CATSPER4: variants seen among roughly 807,000 people sequenced by gnomAD.
CATSPER4 encodes the protein cation channel sperm-associated protein 4.
Under a neutral mutation model 54.4 loss-of-function variants are expected in CATSPER4, and 46 were observed. That is an observed-to-expected ratio of 0.84 (90% CI 0.67 to 1.08). The LOEUF (loss-of-function observed/expected upper bound fraction) is 1.08. Among genes scored for constraint, CATSPER4 ranks in the 50% least tolerant of loss-of-function variants. The pLI is 0.00. For missense variants in CATSPER4, 574 were observed against 612.8 expected, an observed-to-expected ratio of 0.94 and a Z score of 0.67; for synonymous variants, 230 against 231.9, an observed-to-expected ratio of 0.99 and a Z score of 0.08.
rs746442256 is a variant in CATSPER4 at position 26,202,460 on chromosome 1, G to A, written c.1366-29G>A. The A allele has an allele frequency of 1.6e-5, 25 of 1,604,266 alleles. No individual in the cohort carries two copies. In the South Asian group the frequency reaches 1.9e-4, roughly 12 times the overall value. On this transcript the variant is annotated intron_variant, in intron 9 of 9. Coordinates refer to ENST00000456354, the MANE Select transcript of CATSPER4 (RefSeq NM_198137.2). Reference sequence around the variant, plus strand: ...GGCTGCCATATCGGGGGGAGTGGGGGATTAACAAGAAGACCTCTTGGTTTG... The same window carrying A: ...GGCTGCCATATCGGGGGGAGTGGGGAATTAACAAGAAGACCTCTTGGTTTG...
intron 3 of CATSPER4, among the ~76,000 whole-genome samples, chr1:26,194,520 AT>A (rs549575766): frequency 6.6e-6 from 1 of 151,836 alleles, no homozygotes; most frequent in Non-Finnish European, 1.5e-5. Context: ...CTATGCACTT[AT>A]TTTTTTTGCA....
At chr1:26,195,112 A>C (rs1250165412) in intron 3 of CATSPER4, among the ~76,000 whole-genome samples, 1 of 152,218 alleles carries the variant, frequency 6.6e-6, no homozygotes, top group African/African-American at 2.4e-5. Context: ...TTGAATATTT[A>C]ATGCAGATAC....
At position 26,202,673 on chromosome 1, in the gene CATSPER4, G is replaced by T; in HGVS notation, c.*131G>T. 1.2e-6 allele frequency: 1 copy of T among 865,058 alleles called. No individual in the cohort carries two copies. The highest frequency in any genetic ancestry group is 2.7e-5 in the East Asian group (1 of 37,698). The allele number at this position is 865,058 out of a possible 1,614,324, so 53.6% of individuals were successfully genotyped here. A position where few individuals can be genotyped will look rare whatever the true frequency, so the allele number is the denominator to read the frequency against. ...CCTTATACCTGGGCAGAGGCCAGGGGCTGTGAAGGTGGCAGCACCTGCAGG... is the reference window on the plus strand; with the variant it reads ...CCTTATACCTGGGCAGAGGCCAGGGTCTGTGAAGGTGGCAGCACCTGCAGG... On this transcript the variant is annotated 3_prime_UTR_variant, in exon 10 of 10. Transcript: ENST00000456354.
Position 26,199,977 on chromosome 1 carries a change from C to G in CATSPER4, c.906C>G (p.Phe302Leu), listed in dbSNP as rs529618082. 6.2e-7 allele frequency: 1 copy of G among 1,614,036 alleles called. No homozygotes were observed. The highest frequency in any genetic ancestry group is 8.5e-7 in the Non-Finnish European group (1 of 1,179,954). Residue 302 changes from phenylalanine to leucine, a missense_variant, in exon 7 of 10, where the codon TTC becomes TTG. By Grantham distance (22) the Phe-to-Leu change is conservative. Transcript: ENST00000456354. ...TIGAFIGINL[F>L]VIVVTTNLEQ... ...GTGCCTTCATTGGCATCAACCTGTT[C>G]GTCATCGTGGTGACCACCAACCTGG...
At chr1:26,201,132 A>G in intron 8 of CATSPER4, 91 bp downstream of exon 8, 1 of 1,167,746 alleles carries the variant, frequency 8.6e-7, no homozygotes, top group Admixed American at 1.7e-5. Flanking sequence ...CTCACCATTT[A>G]TAAGGCAGAG....
chr1:26,190,709 C>G lies in CATSPER4; in HGVS notation c.82C>G (p.Arg28Gly). Residue 28 changes from arginine (R) to glycine (G), a missense_variant, in exon 1 of 10, where the codon CGT becomes GGT. By Grantham distance (125) the Arg-to-Gly change is moderately radical. Coordinates refer to ENST00000456354, the MANE Select transcript of CATSPER4 (RefSeq NM_198137.2). ...GGGGTGGGGCGGGACTCAGGAGGAC[C>G]GTATGGGGTTTGGAGGGGCAGTAGC... is the stretch of plus-strand genomic sequence containing the variant. Reference protein sequence around the residue: ...LEGWGGTQEDRMGFGGAVAAL... With the variant: ...LEGWGGTQEDGMGFGGAVAAL... 1 of 1,613,176 alleles carries G rather than the reference C, an allele frequency of 6.2e-7. No homozygotes were observed. The highest frequency in any genetic ancestry group is 8.5e-7 in the Non-Finnish European group (1 of 1,179,904).
At position 26,200,894 on chromosome 1, in the gene CATSPER4, C is replaced by G. The variant is rs774394198; in HGVS notation, c.1052C>G (p.Ser351Trp). The change falls in exon 8 of 10, where the codon TCG (serine) becomes TGG (tryptophan). Residue 351 changes from serine (S) to tryptophan (W), a missense_variant. Ser to Trp is a radical substitution (Grantham distance 177). Coordinates refer to ENST00000456354, the MANE Select transcript of CATSPER4 (RefSeq NM_198137.2). ...LPLVHCVVAR[S>W]EKSGLLQEPL... is the part of the protein sequence containing the mutation. ...CTGGTGCATTGTGTGGTCGCCCGCTCGGAGAAATCTGGTCTCCTCCAGGAA... is the reference window on the plus strand; with the variant it reads ...CTGGTGCATTGTGTGGTCGCCCGCTGGGAGAAATCTGGTCTCCTCCAGGAA... 6.2e-7 allele frequency: 1 copy of G among 1,614,110 alleles called. No individual in the cohort carries two copies. Among genetic ancestry groups the G allele is most frequent in the Non-Finnish European group, 8.5e-7 (1 of 1,179,990 alleles).
intron 2 of CATSPER4, among the ~76,000 whole-genome samples, chr1:26,192,970 C>T (rs114481310): frequency 0.013 from 1,976 of 151,582 alleles, 34 homozygotes; most frequent in African/African-American, 0.044. Flanking sequence ...AGGCATGGTG[C>T]GCACGCCTAT....
In CATSPER4 at chr1:26,200,990, C is replaced by A. The variant is rs1202719586; in HGVS notation, c.1148C>A (p.Ala383Glu). 2.5e-6 allele frequency: 4 copies of A among 1,614,088 alleles called. No homozygotes were observed. The highest frequency in any genetic ancestry group is 1.6e-4 in the Middle Eastern group (1 of 6,062). Reference sequence around the variant, plus strand: ...GACAACTTTTGCTTGGTGCTTGAGGCAATACAGGAGAACCTGAGGCAGTAC... The same window carrying A: ...GACAACTTTTGCTTGGTGCTTGAGGAAATACAGGAGAACCTGAGGCAGTAC... ...TCDNFCLVLE[A>E]IQENLRQYKE... Residue 383 changes from alanine (A) to glutamate (E), a missense_variant, in exon 8 of 10, where the codon GCA (alanine) becomes GAA (glutamate). Ala to Glu is a moderately radical substitution (Grantham distance 107). Transcript: ENST00000456354.
In CATSPER4 at chr1:26,197,987, G is replaced by A. The variant is rs754194262; in HGVS notation, c.588G>A (p.Ala196=). The A allele has an allele frequency of 1.3e-5, 21 of 1,613,648 alleles. No individual in the cohort carries two copies. The highest frequency in any genetic ancestry group is 1.7e-4 in the Middle Eastern group (1 of 5,836). ...RALRLVHVCM[A]VEPLARIIRV... ...TTCGTCTGGTGCATGTGTGCATGGC[G>A]GTGGAGCCCCTCGCCCGGATCATCC... The change falls in exon 5 of 10, where the codon GCG becomes GCA. Residue 196 remains alanine (A), a synonymous_variant. Coordinates refer to ENST00000456354, the MANE Select transcript of CATSPER4 (RefSeq NM_198137.2).
chr1:26,191,468 A>G (rs765400036), intron 2 of CATSPER4, 38 bp downstream of exon 2: 1 of 1,591,948 alleles, frequency 6.3e-7, no homozygotes. Flanking sequence ...ACTAACCCTA[A>G]TGGGGGGCCT....
chr1:26,191,295 G>T lies in CATSPER4; in HGVS notation c.222G>T (p.Trp74Cys). ...RQEITNKADA[W>C]DMQEFITHMY... ...GTCCTGCCCTCTTCCAGGACGCCTG[G>T]GACATGCAGGAGTTCATCACTCACA... The change falls in exon 2 of 10, where the codon TGG becomes TGT. Residue 74 changes from tryptophan to cysteine, a missense_variant. By Grantham distance (215) the Trp-to-Cys change is radical. Coordinates refer to ENST00000456354, the MANE Select transcript of CATSPER4 (RefSeq NM_198137.2). The T allele has an allele frequency of 6.2e-7, 1 of 1,614,102 alleles. No homozygotes were observed. Among genetic ancestry groups the T allele is most frequent in the South Asian group, 1.1e-5 (1 of 91,078 alleles).
chr1:26,197,718 C>T lies in CATSPER4; in HGVS notation c.492C>T (p.Val164=), dbSNP rs1557631172. Residue 164 remains valine, a synonymous_variant, in exon 4 of 10, where the codon GTC becomes GTT. Transcript: ENST00000456354. ...GGAACATCCTCAACTTCATTATCGTCTTTATCTTGCTCTTGCGGTTCTTCA... is the reference window on the plus strand; with the variant it reads ...GGAACATCCTCAACTTCATTATCGTTTTTATCTTGCTCTTGCGGTTCTTCA... ...DGWNILNFII[V]FILLLRFFIN... is the part of the protein sequence containing the mutation. 1.2e-6 allele frequency: 2 copies of T among 1,613,858 alleles called. No individual in the cohort carries two copies. Among genetic ancestry groups the T allele is most frequent in the East Asian group, 4.5e-5 (2 of 44,880 alleles).
chr1:26,200,439 G>A (rs1053046352), intron 7 of CATSPER4, among the ~76,000 whole-genome samples: 2 of 152,144 alleles, frequency 1.3e-5, no homozygotes, highest in Non-Finnish European at 2.9e-5. Flanking sequence ...CTCAATAAAT[G>A]TTAGCTACGG....
chr1:26,202,350 G>T, intron 9 of CATSPER4, 139 bp from the exon 10 acceptor site: 1 of 760,614 alleles, frequency 1.3e-6, no homozygotes, highest in Admixed American at 2.0e-5. Context: ...GGGGGTACTA[G>T]GTAGGCTCAA....
intron 3 of CATSPER4, among the ~76,000 whole-genome samples, chr1:26,195,104 G>A (rs934756660): frequency 2.6e-4 from 39 of 152,220 alleles, no homozygotes; most frequent in African/African-American, 9.1e-4. Flanking sequence ...TTTTCTTTTT[G>A]AATATTTAAT....
intron 2 of CATSPER4, among the ~76,000 whole-genome samples, chr1:26,193,305 C>T (rs2088892805): frequency 6.6e-6 from 1 of 152,066 alleles, no homozygotes; most frequent in Non-Finnish European, 1.5e-5. Flanking sequence ...TCAGGCCTAA[C>T]TTGGAGTATT....
rs2124530167 is a variant in CATSPER4 at position 26,201,006 on chromosome 1, G to A, written c.1164G>A (p.Leu388=). 1 of 1,614,186 alleles carries A rather than the reference G, an allele frequency of 6.2e-7. No individual in the cohort carries two copies. Among genetic ancestry groups the A allele is most frequent in the Non-Finnish European group, 8.5e-7 (1 of 1,180,024 alleles). The part of the protein sequence containing the change: ...CLVLEAIQEN[L]RQYKEIRDEL... ...TGCTTGAGGCAATACAGGAGAACCT[G>A]AGGCAGTACAAGGAGATCCGAGATG... is the stretch of plus-strand genomic sequence containing the variant. Residue 388 remains leucine, a synonymous_variant, in exon 8 of 10, where the codon CTG becomes CTA. Coordinates refer to ENST00000456354, the MANE Select transcript of CATSPER4 (RefSeq NM_198137.2).
chr1:26,198,189 T>C (rs960458602), intron 5 of CATSPER4, 97 bp from the exon 6 acceptor site: 14 of 1,613,278 alleles, frequency 8.7e-6, no homozygotes, highest in Non-Finnish European at 2.5e-6. Context: ...CCTGAATCCC[T>C]GTGATTTCCT....
Sources: gnomAD v4.1 joint callset for allele counts (sites outside exome capture counted in the v4.1 genomes callset) on GRCh38, gnomAD v4.1.1 for gene constraint, MANE v1.5 for transcripts, NCBI Gene and HGNC (gene_info 2026-07-23, HGNC 2026-07-21) for gene names.